Variants in RP1 observed in about 807,000 individuals in gnomAD.
RP1 encodes RP1 axonemal microtubule associated, also known as oxygen-regulated protein 1.
In RP1, 16 loss-of-function variants were observed where a neutral mutation model predicts 14.8. The observed-to-expected ratio is 1.08, with a 90% CI of 0.73 to 1.65. RP1 has a LOEUF of 1.65. Ranked by LOEUF, RP1 falls within the 40% of genes most tolerant of loss-of-function variation. The pLI, the probability that RP1 is intolerant of heterozygous loss-of-function variation, is 0.00. For synonymous variants in RP1, 876 were observed against 883.6 expected (o/e 0.99, Z 0.15); for missense variants, 2,631 against 2,535.0 (o/e 1.04, Z -0.81).
chr8:54,619,708 GC>G (rs1344435619), intron 1 of RP1, among the ~76,000 whole-genome samples: 3 of 152,204 alleles, frequency 2.0e-5, no homozygotes, highest in Non-Finnish European at 4.4e-5. Flanking sequence ...GCAGCCCATA[GC>G]AATGCTGTCA....
intron 24 of RP1, among the ~76,000 whole-genome samples, chr8:54,791,287 C>T (rs1308451326): frequency 6.6e-6 from 1 of 152,098 alleles, no homozygotes; most frequent in African/African-American, 2.4e-5. Context: ...GATTTCCCAT[C>T]CCAAAGTGAT....
chr8:54,692,764 G>T (rs140217575), intron 12 of RP1, among the ~76,000 whole-genome samples: 6 of 148,550 alleles, frequency 4.0e-5, no homozygotes, highest in South Asian at 2.2e-4. Flanking sequence ...CCATTCTGTA[G>T]GTTGCCTGTT....
At chr8:54,775,936 A>G (rs1810025206) in intron 23 of RP1, among the ~76,000 whole-genome samples, 1 of 152,222 alleles carries the variant, frequency 6.6e-6, no homozygotes, top group Non-Finnish European at 1.5e-5. Context: ...GAACTCAGGA[A>G]TTGTTAGCAA....
chr8:54,736,723 T>C (rs1271415766), intron 18 of RP1, among the ~76,000 whole-genome samples: 1 of 151,942 alleles, frequency 6.6e-6, no homozygotes, highest in African/African-American at 2.4e-5. Flanking sequence ...GTGTAGAGTC[T>C]TGTGGACTCC....
At chr8:54,679,399 G>A (rs1807371218) in intron 9 of RP1, 5 of 1,528,848 alleles carry the variant, frequency 3.3e-6, no homozygotes, top group African/African-American at 1.4e-5. Context: ...GAAAATAATC[G>A]ATACACTTTT....
intron 23 of RP1, among the ~76,000 whole-genome samples, chr8:54,782,518 G>A (rs1810214058): frequency 6.6e-6 from 1 of 152,104 alleles, no homozygotes; most frequent in South Asian, 2.1e-4. Context: ...ATACAAGGTT[G>A]TAGGTTTATG....
At chr8:54,663,452 ATAAT>A (rs1480534016) in intron 6 of RP1, among the ~76,000 whole-genome samples, 1 of 152,212 alleles carries the variant, frequency 6.6e-6, no homozygotes, top group African/African-American at 2.4e-5. Context: ...GCATATTGTT[ATAAT>A]TAATCAATTT....
At chr8:54,750,867 G>T (rs1329673750) in intron 19 of RP1, among the ~76,000 whole-genome samples, 1 of 152,196 alleles carries the variant, frequency 6.6e-6, no homozygotes, top group Non-Finnish European at 1.5e-5. Flanking sequence ...ATTGCAGGGA[G>T]GATTGAAAAA....
intron 19 of RP1, among the ~76,000 whole-genome samples, chr8:54,743,079 G>C (rs1257574215): frequency 6.6e-6 from 1 of 151,858 alleles, no homozygotes. Context: ...GTAAGAGAAG[G>C]GACTTTTCCT....
At chr8:54,858,153 A>G (rs1334295587) in intron 27 of RP1, among the ~76,000 whole-genome samples, 1 of 152,228 alleles carries the variant, frequency 6.6e-6, no homozygotes, top group Non-Finnish European at 1.5e-5. Flanking sequence ...TCTCTTTAAA[A>G]TGAATGGGAA....
intron 24 of RP1, among the ~76,000 whole-genome samples, chr8:54,794,166 C>T (rs1004021791): frequency 6.6e-6 from 1 of 151,182 alleles, no homozygotes; most frequent in Non-Finnish European, 1.5e-5. Flanking sequence ...AGTGAAATTC[C>T]TATCAAAATT....
intron 4 of RP1, among the ~76,000 whole-genome samples, chr8:54,649,312 A>T (rs188064455): frequency 1.3e-5 from 2 of 152,174 alleles, no homozygotes; most frequent in Non-Finnish European, 2.9e-5. Context: ...ACACAAGTAA[A>T]TCTGCAATAT....
At position 54,621,434 on chromosome 8, in the gene RP1, A is replaced by T; in HGVS notation, c.468A>T (p.Leu156=). The change falls in exon 2 of 4, where the codon CTA becomes CTT. Residue 156 remains leucine, a synonymous_variant. Coordinates refer to ENST00000220676, the MANE Select transcript of RP1 (RefSeq NM_006269.2). Reference sequence around the variant, plus strand: ...GCATGCCCCGCCCCCCACGGAGCCTAGTGGTCTTCAGGAATGGCGACCCGA... The same window carrying T: ...GCATGCCCCGCCCCCCACGGAGCCTTGTGGTCTTCAGGAATGGCGACCCGA... The part of the protein sequence containing the change: ...APGMPRPPRS[L]VVFRNGDPKT... 1 of 1,613,644 alleles carries T rather than the reference A, an allele frequency of 6.2e-7. No individual in the cohort carries two copies. The highest frequency in any genetic ancestry group is 8.5e-7 in the Non-Finnish European group (1 of 1,179,982).
intron 13 of RP1, among the ~76,000 whole-genome samples, chr8:54,700,040 C>T (rs1180186937): frequency 3.3e-5 from 5 of 151,812 alleles, no homozygotes; most frequent in African/African-American, 9.7e-5. Flanking sequence ...CTTAAATCTA[C>T]TAGATGAGAT....
chr8:54,800,817 T>C (rs780225703), intron 24 of RP1, among the ~76,000 whole-genome samples: 1 of 152,236 alleles, frequency 6.6e-6, no homozygotes, highest in East Asian at 1.9e-4. Context: ...ATTTCTTGTA[T>C]GATAGTTTTA....
chr8:54,682,508 A>T (rs745616690), intron 12 of RP1, among the ~76,000 whole-genome samples: 9 of 152,196 alleles, frequency 5.9e-5, no homozygotes, highest in Non-Finnish European at 1.0e-4. Flanking sequence ...ATAAAGATAC[A>T]TGCACACATA....
exon 7 of RP1, chr8:54,663,709 T>C: frequency 5.9e-6 from 9 of 1,525,964 alleles, no homozygotes; most frequent in South Asian, 1.2e-5. Flanking sequence ...TGACAATATA[T>C]GAAGTGAATG....
downstream of RP1, among the ~76,000 whole-genome samples, chr8:54,633,630 G>A (rs1246912943): frequency 6.6e-6 from 1 of 151,350 alleles, no homozygotes; most frequent in Non-Finnish European, 1.5e-5. Context: ...TCTTTAAAAA[G>A]CCATTAGTGT....
At chr8:54,682,463 G>A (rs781089359) in intron 12 of RP1, among the ~76,000 whole-genome samples, 8 of 151,930 alleles carry the variant, frequency 5.3e-5, no homozygotes, top group Non-Finnish European at 7.4e-5. Context: ...TCCCATTACC[G>A]AGTATATACC....
Sources: allele counts gnomAD v4.1 joint callset (sites outside exome capture counted in the v4.1 genomes callset), GRCh38; gene constraint gnomAD v4.1.1; transcripts MANE v1.5; gene names NCBI Gene and HGNC (gene_info 2026-07-23, HGNC 2026-07-21).